The following FCHSD2 variants were observed in gnomAD, a reference collection of about 807,000 sequenced individuals.
FCHSD2 encodes the protein FCH and double SH3 domains 2, also known as F-BAR and double SH3 domains protein 2.
A neutral mutation model predicts 108.1 loss-of-function variants in FCHSD2; 38 were observed. That is an observed-to-expected ratio of 0.35 (90% CI 0.27 to 0.46). The LOEUF is 0.46. FCHSD2 is among the 20% of genes least tolerant of loss of function. The pLI, the probability that FCHSD2 is intolerant of heterozygous loss-of-function variation, is 1.00. For missense variants in FCHSD2, 751 were observed against 897.8 expected (o/e 0.84, Z 2.09); for synonymous variants, 279 against 314.7 (o/e 0.89, Z 1.20).
intron 9 of FCHSD2, among the ~76,000 whole-genome samples, chr11:72,918,429 G>A (rs1332648477): frequency 2.6e-5 from 4 of 151,860 alleles, no homozygotes; most frequent in East Asian, 1.9e-4. Context: ...GGTTAATAGC[G>A]GTGGTGAAAA....
intron 9 of FCHSD2, among the ~76,000 whole-genome samples, chr11:72,915,965 A>C (rs1204114130): frequency 6.6e-6 from 1 of 152,200 alleles, no homozygotes; most frequent in Non-Finnish European, 1.5e-5. Flanking sequence ...CTAATGTAGG[A>C]ACAGAAAAGC....
In FCHSD2 at chr11:72,945,781, C is replaced by A. The variant is rs190387640; in HGVS notation, c.706-23831G>T. The stretch of plus-strand genomic sequence containing the variant: ...AAAAGAAGACATTTATGCAGCCAAA[C>A]GATACATGAAAAAATGCTCATCATC... On this transcript the variant is annotated intron_variant, in intron 8 of 19. Transcript: ENST00000409418. Among the ~76,000 whole-genome samples, 4 of 152,172 alleles carry A rather than the reference C, an allele frequency of 2.6e-5. No individual in the cohort carries two copies. The South Asian group carries it at 8.3e-4, about 32-fold the overall frequency.
At chr11:72,969,713 T>C (rs1259675184) in intron 8 of FCHSD2, among the ~76,000 whole-genome samples, 1 of 152,200 alleles carries the variant, frequency 6.6e-6, no homozygotes, top group Non-Finnish European at 1.5e-5. Context: ...TGGCTTAACA[T>C]GCAATTAAGT....
intron 8 of FCHSD2, among the ~76,000 whole-genome samples, chr11:72,935,399 A>C (rs1050293701): frequency 3.9e-5 from 6 of 152,220 alleles, no homozygotes; most frequent in African/African-American, 1.4e-4. Flanking sequence ...TAGAAAAACA[A>C]ACTCTTCTTT....
chr11:73,070,921 G>A (rs936676552), intron 3 of FCHSD2, among the ~76,000 whole-genome samples: 28 of 152,112 alleles, frequency 1.8e-4, no homozygotes, highest in African/African-American at 6.5e-4. Flanking sequence ...GTTTGATTCA[G>A]AAGTAAAACC....
At chr11:72,844,690 C>T (rs189097888) in intron 14 of FCHSD2, among the ~76,000 whole-genome samples, 483 of 152,234 alleles carry the variant, frequency 3.2e-3, no homozygotes, top group Middle Eastern at 6.8e-3. Flanking sequence ...TTCCCCAAGT[C>T]CCAAGATGGG....
chr11:73,007,399 T>C (rs562199319), intron 4 of FCHSD2, among the ~76,000 whole-genome samples: 4 of 152,150 alleles, frequency 2.6e-5, no homozygotes, highest in African/African-American at 7.2e-5. Flanking sequence ...GGCAGAAGGA[T>C]TGCTTGAGGC....
chr11:73,078,916 C>T (rs150073025), intron 3 of FCHSD2, among the ~76,000 whole-genome samples: 58 of 152,042 alleles, frequency 3.8e-4, no homozygotes, highest in African/African-American at 1.3e-3. Context: ...GATGGGGCCT[C>T]ATTATGTTGT....
intron 3 of FCHSD2, among the ~76,000 whole-genome samples, chr11:73,031,729 G>A (rs914592403): frequency 2.0e-5 from 3 of 152,116 alleles, no homozygotes; most frequent in South Asian, 2.1e-4. Flanking sequence ...CCACACTCCC[G>A]TTATTCTATT....
chr11:72,852,949 T>C (rs939885247), intron 13 of FCHSD2, among the ~76,000 whole-genome samples: 5 of 152,046 alleles, frequency 3.3e-5, no homozygotes, highest in Non-Finnish European at 5.9e-5. Flanking sequence ...TGAGCACTCA[T>C]GGACACAAAG....
chr11:72,976,730 G>A (rs1310652718), intron 8 of FCHSD2, among the ~76,000 whole-genome samples: 3 of 152,096 alleles, frequency 2.0e-5, no homozygotes, highest in African/African-American at 7.2e-5. Context: ...ACAGAAGACA[G>A]AACCCAGAAT....
intron 2 of FCHSD2, among the ~76,000 whole-genome samples, chr11:73,122,994 A>T (rs1860769227): frequency 6.6e-6 from 1 of 152,236 alleles, no homozygotes; most frequent in Non-Finnish European, 1.5e-5. Context: ...AACTGTAAGG[A>T]ACCTCATCCT....
At position 72,843,272 on chromosome 11, in the gene FCHSD2, G is replaced by T. The variant is rs773351939; in HGVS notation, c.1584C>A (p.Pro528=). 25 of 1,613,976 alleles carry T rather than the reference G, an allele frequency of 1.5e-5. No homozygotes were observed. Among genetic ancestry groups the T allele is most frequent in the Non-Finnish European group, 2.1e-5 (25 of 1,179,882 alleles). Residue 528 remains proline, a synonymous_variant, in exon 16 of 20, where the codon CCC becomes CCA. Coordinates refer to ENST00000409418, the MANE Select transcript of FCHSD2 (RefSeq NM_014824.3). ...GYVPEKYLQF[P]TSNSLLSMLQ... is the part of the protein sequence containing the mutation. ...GCATGCTCAGGAGGCTGTTCGAGGT[G>T]GGAAACTGTAGGTACTTTTCTGGCA...
intron 9 of FCHSD2, among the ~76,000 whole-genome samples, chr11:72,914,109 G>C (rs2135298826): frequency 6.6e-6 from 1 of 152,196 alleles, no homozygotes; most frequent in African/African-American, 2.4e-5. Context: ...GCGCTTCCTG[G>C]GTTCAAGTGA....
chr11:72,948,614 T>G lies in FCHSD2; in HGVS notation c.706-26664A>C, dbSNP rs1050260427. Among the ~76,000 whole-genome samples, 16 of 152,168 alleles carry G rather than the reference T, an allele frequency of 1.1e-4. 1 individual carries two copies. Among genetic ancestry groups the G allele is most frequent in the African/African-American group, 3.6e-4 (15 of 41,438 alleles). On this transcript the variant is annotated intron_variant, in intron 8 of 19. Coordinates refer to ENST00000409418, the MANE Select transcript of FCHSD2 (RefSeq NM_014824.3). ...TAGAATATGAGTGTATTAACAAAAT[T>G]TTAACTTACCATTTTAATGGATACA...
chr11:72,961,522 C>T (rs966320179), intron 8 of FCHSD2, among the ~76,000 whole-genome samples: 1 of 152,120 alleles, frequency 6.6e-6, no homozygotes, highest in African/African-American at 2.4e-5. Flanking sequence ...TCCTAAAGTG[C>T]TATGATTACA....
chr11:73,001,238 T>C (rs1857619991), intron 4 of FCHSD2, 104 bp from the exon 5 acceptor site: 7 of 916,924 alleles, frequency 7.6e-6, no homozygotes, highest in Middle Eastern at 2.1e-4. Flanking sequence ...ATGAATGTCT[T>C]CTTTAATGTA....
chr11:73,013,189 T>C (rs1857897969), intron 4 of FCHSD2, among the ~76,000 whole-genome samples: 1 of 152,204 alleles, frequency 6.6e-6, no homozygotes. Flanking sequence ...ACCACTCCAG[T>C]TAACCTCTAA....
At chr11:72,936,940 T>C (rs1294409782) in intron 8 of FCHSD2, among the ~76,000 whole-genome samples, 1 of 152,216 alleles carries the variant, frequency 6.6e-6, no homozygotes, top group African/African-American at 2.4e-5. Context: ...TTGGAGACAG[T>C]TTCTCTTGCC....
Sources: gnomAD v4.1 joint callset for allele counts (sites outside exome capture counted in the v4.1 genomes callset) on GRCh38, gnomAD v4.1.1 for gene constraint, MANE v1.5 for transcripts, NCBI Gene and HGNC (gene_info 2026-07-23, HGNC 2026-07-21) for gene names.